Variants in VXN observed in about 807,000 individuals in gnomAD.
VXN encodes the protein vexin.
VXN carries 7 observed loss-of-function variants against 23.1 expected under a neutral mutation model. The ratio of observed to expected loss-of-function variants is 0.30; its 90% CI spans 0.17 to 0.57. The LOEUF is 0.57. Ranked by LOEUF, VXN falls within the 20% of genes least tolerant of loss-of-function variation. The pLI, the probability that VXN is intolerant of heterozygous loss-of-function variation, is 0.91. For missense variants in VXN, 238 were observed against 272.6 expected (o/e 0.87, Z 0.89); for synonymous variants, 120 against 105.8 (o/e 1.13, Z -0.83).
Position 66,518,419 on chromosome 8 carries a change from T to G in VXN, c.*2343T>G, listed in dbSNP as rs1172757572. The stretch of plus-strand genomic sequence containing the variant: ...AGGATGGAAGTAATTTATTTTTAAT[T>G]TAAATATTTCATGTTGAACTGTTTG... On this transcript the variant is annotated 3_prime_UTR_variant, in exon 6 of 6. Coordinates refer to ENST00000305454, the MANE Select transcript of VXN (RefSeq NM_152765.4). 2 of 152,258 alleles carry G rather than the reference T, an allele frequency of 1.3e-5. No individual in the cohort carries two copies. The highest frequency in any genetic ancestry group is 2.9e-5 in the Non-Finnish European group (2 of 68,048). 9.4% of individuals were successfully genotyped at this position (152,258 alleles called of 1,614,324 possible).
At chr8:66,495,866 C>A (rs1216282199) in intron 1 of VXN, among the ~76,000 whole-genome samples, 1 of 152,202 alleles carries the variant, frequency 6.6e-6, no homozygotes, top group Non-Finnish European at 1.5e-5. Context: ...CCTAGCACTT[C>A]TTCATTATCC....
rs886517560 is a variant in VXN, at chr8:66,506,356, A to G, written c.280+828A>G. ...ATAACCTAAACAACAATCTATAACA[A>G]GAGTGTAGGAGTAAGTTTGTCTTGA... On this transcript the variant is annotated intron_variant, in intron 3 of 5. Coordinates refer to ENST00000305454, the MANE Select transcript of VXN (RefSeq NM_152765.4). Among the ~76,000 whole-genome samples, 4 of 152,062 alleles carry G rather than the reference A, an allele frequency of 2.6e-5. No homozygotes were observed. The East Asian group carries it at 7.7e-4, about 29-fold the overall frequency.
chr8:66,505,162 G>A, intron 2 of VXN: 1 of 721,180 alleles, frequency 1.4e-6, no homozygotes, highest in Non-Finnish European at 2.5e-6. Context: ...TTGCCCCATG[G>A]CACCATTTGG....
At chr8:66,515,851 T>G in intron 5 of VXN, 42 bp from the exon 6 acceptor site, 5 of 1,494,026 alleles carry the variant, frequency 3.3e-6, no homozygotes, top group Non-Finnish European at 4.5e-6. Flanking sequence ...GTTTGGCTTG[T>G]GAGCAGACCA....
At chr8:66,498,828 C>G (rs1208577003) in intron 2 of VXN, 2 of 456,364 alleles carry the variant, frequency 4.4e-6, no homozygotes, top group Admixed American at 4.7e-5. Flanking sequence ...TTTACAGACT[C>G]TACTTGACCA....
At chr8:66,507,832 C>G (rs1390955535) in intron 3 of VXN, among the ~76,000 whole-genome samples, 1 of 152,172 alleles carries the variant, frequency 6.6e-6, no homozygotes, top group Non-Finnish European at 1.5e-5. Flanking sequence ...GCCAGACCAT[C>G]CTCCTGTCAA....
chr8:66,502,797 A>T (rs1807705808), intron 2 of VXN, among the ~76,000 whole-genome samples: 1 of 152,060 alleles, frequency 6.6e-6, no homozygotes, highest in African/African-American at 2.4e-5. Flanking sequence ...GCACAGAGCA[A>T]CCAATTGCAC....
At chr8:66,512,777 C>T (rs970485708) in intron 4 of VXN, among the ~76,000 whole-genome samples, 2 of 152,132 alleles carry the variant, frequency 1.3e-5, no homozygotes, top group African/African-American at 4.8e-5. Flanking sequence ...GATGAGGCCT[C>T]AAGTCAGAGG....
chr8:66,510,238 G>C, intron 4 of VXN, 81 bp downstream of exon 4: 1 of 1,150,152 alleles, frequency 8.7e-7, no homozygotes, highest in Non-Finnish European at 1.3e-6. Context: ...GCCATGAAGA[G>C]AGACTCAGTG....
intron 3 of VXN, 26 bp downstream of exon 3, chr8:66,505,554 C>T: frequency 4.8e-6 from 7 of 1,459,220 alleles, no homozygotes; most frequent in Non-Finnish European, 6.3e-6. Context: ...CCCCAGCTCC[C>T]CGCACCTCCC....
chr8:66,515,038 C>A (rs755829158), intron 5 of VXN, among the ~76,000 whole-genome samples: 1 of 152,146 alleles, frequency 6.6e-6, no homozygotes, highest in Non-Finnish European at 1.5e-5. Flanking sequence ...AAAAAATTTT[C>A]TTTGATTCTG....
intron 2 of VXN, 91 bp downstream of exon 2, chr8:66,496,583 A>G: frequency 8.4e-7 from 1 of 1,192,414 alleles, no homozygotes; most frequent in Non-Finnish European, 1.2e-6. Context: ...CCCAGCTCTC[A>G]GTGGCCAGGA....
rs1807892041 is a variant in VXN at position 66,516,098 on chromosome 8, CT to C, written c.*23del. On this transcript the variant is annotated 3_prime_UTR_variant, in exon 6 of 6. Coordinates refer to ENST00000305454, the MANE Select transcript of VXN (RefSeq NM_152765.4). Reference sequence around the variant, plus strand: ...CTAAAGGTGACCCTCTTCAAGTGCCCTGTGTTGGCCAAGGTTCCCCGGACAA... The same window carrying C: ...CTAAAGGTGACCCTCTTCAAGTGCCCGTGTTGGCCAAGGTTCCCCGGACAA... 1 of 1,572,720 alleles carries C rather than the reference CT, an allele frequency of 6.4e-7. No individual in the cohort carries two copies. The highest frequency in any genetic ancestry group is 8.6e-7 in the Non-Finnish European group (1 of 1,164,328).
At chr8:66,505,227 G>T in intron 2 of VXN, 148 bp from the exon 3 acceptor site, 1 of 1,107,886 alleles carries the variant, frequency 9.0e-7, no homozygotes, top group Non-Finnish European at 1.3e-6. Context: ...CCCAGATTTT[G>T]TCGCTGTTCC....
intron 3 of VXN, among the ~76,000 whole-genome samples, chr8:66,508,890 G>C (rs919017625): frequency 7.2e-5 from 11 of 152,214 alleles, no homozygotes; most frequent in African/African-American, 2.4e-4. Context: ...AGCTACTCTG[G>C]AAGCTGAGGT....
At chr8:66,503,995 G>C (rs905667830) in intron 2 of VXN, among the ~76,000 whole-genome samples, 4 of 152,186 alleles carry the variant, frequency 2.6e-5, no homozygotes, top group African/African-American at 7.2e-5. Flanking sequence ...GCATCCTTTG[G>C]TGGGCTGGAG....
rs186173456 is a variant in VXN at position 66,510,933 on chromosome 8, G to A, written c.342+776G>A. 1.3e-3 allele frequency among the ~76,000 whole-genome samples: 195 copies of A among 152,216 alleles called. 1 individual carries two copies. Among genetic ancestry groups the A allele is most frequent in the African/African-American group, 4.5e-3 (186 of 41,538 alleles). On this transcript the variant is annotated intron_variant, in intron 4 of 5. Transcript: ENST00000305454. ...GTTTCAACACCTTGTAGGGGGCTCC[G>A]GAACAAGCATTACCCACTCAGACTG...
chr8:66,494,127 G>C (rs1807598719), intron 1 of VXN, among the ~76,000 whole-genome samples: 1 of 152,172 alleles, frequency 6.6e-6, no homozygotes, highest in Non-Finnish European at 1.5e-5. Context: ...TTCTAACTGT[G>C]CCATGCAAAG....
At chr8:66,512,523 T>C (rs533962224) in intron 4 of VXN, among the ~76,000 whole-genome samples, 1 of 152,310 alleles carries the variant, frequency 6.6e-6, no homozygotes, top group East Asian at 1.9e-4. Flanking sequence ...GTGTCTATTG[T>C]CTAAGCAGCC....
Sources: allele counts gnomAD v4.1 joint callset (sites outside exome capture counted in the v4.1 genomes callset), GRCh38; gene constraint gnomAD v4.1.1; transcripts MANE v1.5; gene names NCBI Gene and HGNC (gene_info 2026-07-23, HGNC 2026-07-21).